The following PCDH9 variants were observed in gnomAD, a reference collection of about 807,000 sequenced individuals.
PCDH9 encodes the protein protocadherin-9.
Under a neutral mutation model 70.6 loss-of-function variants are expected in PCDH9, and 24 were observed. That is an observed-to-expected ratio of 0.34 (90% confidence interval 0.25 to 0.48). PCDH9 has a LOEUF of 0.48. PCDH9 is among the 20% of genes least tolerant of loss of function. PCDH9 has a pLI of 0.99. For synonymous variants in PCDH9, 562 were observed against 558.5 expected (o/e 1.01, Z -0.09); for missense variants, 1,281 against 1,503.6 (o/e 0.85, Z 2.45).
intron 2 of PCDH9, among the ~76,000 whole-genome samples, chr13:67,029,026 A>G (rs972892767): frequency 2.0e-5 from 3 of 152,172 alleles, no homozygotes; most frequent in African/African-American, 7.2e-5. Context: ...GTATTTCCCT[A>G]ACTTTATTTA....
chr13:66,537,981 C>G (rs1306213825), intron 4 of PCDH9, among the ~76,000 whole-genome samples: 1 of 151,994 alleles, frequency 6.6e-6, no homozygotes, highest in Non-Finnish European at 1.5e-5. Context: ...TTTAAGGCCA[C>G]TGAAAAATCA....
intron 2 of PCDH9, among the ~76,000 whole-genome samples, chr13:67,130,687 C>T: frequency 6.6e-6 from 1 of 152,044 alleles, no homozygotes; most frequent in South Asian, 2.1e-4. Context: ...ATCATAGGAA[C>T]ATCTTATCAA....
chr13:66,339,245 A>C (rs1956086998), intron 4 of PCDH9, among the ~76,000 whole-genome samples: 1 of 133,448 alleles, frequency 7.5e-6, no homozygotes, highest in South Asian at 2.3e-4. Flanking sequence ...CAACAAAAAA[A>C]CAGTATTACT....
intron 3 of PCDH9, among the ~76,000 whole-genome samples, chr13:66,659,845 G>A (rs1422746872): frequency 2.0e-5 from 3 of 151,992 alleles, no homozygotes; most frequent in African/African-American, 4.8e-5. Flanking sequence ...TAGGACTAGC[G>A]CATGTACAAG....
intron 2 of PCDH9, among the ~76,000 whole-genome samples, chr13:67,026,985 C>T (rs908706158): frequency 3.3e-5 from 5 of 152,156 alleles, no homozygotes; most frequent in Non-Finnish European, 7.3e-5. Flanking sequence ...AATGGCCATA[C>T]TGCCCAAGGT....
intron 3 of PCDH9, among the ~76,000 whole-genome samples, chr13:66,887,808 A>T (rs896459325): frequency 6.6e-6 from 1 of 152,182 alleles, no homozygotes; most frequent in Non-Finnish European, 1.5e-5. Flanking sequence ...AAAGCTACTT[A>T]AAAAAACCTG....
intron 4 of PCDH9, among the ~76,000 whole-genome samples, chr13:66,613,160 TC>T (rs1241002065): frequency 9.2e-5 from 14 of 151,876 alleles, no homozygotes; most frequent in Non-Finnish European, 2.1e-4. Flanking sequence ...CCACTTCCAC[TC>T]CCTGCCAGGC....
intron 3 of PCDH9, among the ~76,000 whole-genome samples, chr13:66,866,006 A>G (rs1471716153): frequency 6.6e-6 from 1 of 152,348 alleles, no homozygotes; most frequent in East Asian, 1.9e-4. Flanking sequence ...ATACAAGAAC[A>G]AATTGTGAAT....
At chr13:66,954,786 C>T (rs1005759261) in intron 2 of PCDH9, among the ~76,000 whole-genome samples, 5 of 152,138 alleles carry the variant, frequency 3.3e-5, no homozygotes, top group African/African-American at 1.2e-4. Context: ...TTTTTTGAGA[C>T]GGAGTCTCGC....
chr13:66,916,201 C>A (rs572378382), intron 2 of PCDH9, among the ~76,000 whole-genome samples: 1 of 151,612 alleles, frequency 6.6e-6, no homozygotes, highest in African/African-American at 2.4e-5. Flanking sequence ...TTCTCAATCC[C>A]GTATTTTAAA....
intron 3 of PCDH9, among the ~76,000 whole-genome samples, chr13:66,899,752 T>C (rs2139589798): frequency 6.6e-6 from 1 of 152,010 alleles, no homozygotes; most frequent in South Asian, 2.1e-4. Flanking sequence ...ATAAAAACAA[T>C]GTGCACTTTT....
At chr13:67,131,182 G>C (rs1374817654) in intron 2 of PCDH9, among the ~76,000 whole-genome samples, 2 of 152,074 alleles carry the variant, frequency 1.3e-5, no homozygotes, top group African/African-American at 4.8e-5. Context: ...TAAGTAAATA[G>C]AAAATTTAGA....
intron 2 of PCDH9, among the ~76,000 whole-genome samples, chr13:67,027,416 T>C (rs2084807316): frequency 6.6e-6 from 1 of 152,118 alleles, no homozygotes; most frequent in Middle Eastern, 3.2e-3. Context: ...CAAAAATTAA[T>C]TCAAGATGGA....
At position 66,925,360 on chromosome 13, in the gene PCDH9, T is replaced by C. The variant is rs576215413; in HGVS notation, c.3037-21755A>G. Among the ~76,000 whole-genome samples the C allele has an allele frequency of 2.0e-5, 3 of 152,058 alleles. No individual in the cohort carries two copies. The South Asian group carries it at 6.2e-4, about 31-fold the overall frequency. On this transcript the variant is annotated intron_variant, in intron 2 of 4. Transcript: ENST00000377865. ...CTTACCGTATCTATAATATACACCT[T>C]ATAAAATATTTTTTTCTCATATGAA...
At chr13:66,625,869 G>A (rs573819431) in intron 4 of PCDH9, among the ~76,000 whole-genome samples, 2 of 151,918 alleles carry the variant, frequency 1.3e-5, no homozygotes, top group Non-Finnish European at 2.9e-5. Flanking sequence ...TCACCGTGTT[G>A]GCCAGGCTGG....
At chr13:66,641,444 G>C (rs2077707481) in intron 3 of PCDH9, among the ~76,000 whole-genome samples, 1 of 152,200 alleles carries the variant, frequency 6.6e-6, no homozygotes, top group African/African-American at 2.4e-5. Context: ...CAAAATGTAG[G>C]TAAAGATCCT....
intron 3 of PCDH9, among the ~76,000 whole-genome samples, chr13:66,750,222 G>A (rs191434693): frequency 4.6e-5 from 7 of 152,132 alleles, no homozygotes; most frequent in Admixed American, 1.3e-4. Flanking sequence ...ACAAATATTC[G>A]CTAATAGAAG....
chr13:66,748,914 A>T (rs999659252), intron 3 of PCDH9, among the ~76,000 whole-genome samples: 1 of 152,126 alleles, frequency 6.6e-6, no homozygotes, highest in Non-Finnish European at 1.5e-5. Context: ...AGATAAGTGA[A>T]TCATGGGGGA....
At chr13:67,221,384 TG>T (rs2089721244) in intron 2 of PCDH9, 1 of 152,096 alleles carries the variant, frequency 6.6e-6, no homozygotes, top group African/African-American at 2.4e-5. Context: ...CTAAATGGTT[TG>T]GAATAGAAGA....
Sources: allele counts gnomAD v4.1 joint callset (sites outside exome capture counted in the v4.1 genomes callset), GRCh38; gene constraint gnomAD v4.1.1; transcripts MANE v1.5; gene names NCBI Gene and HGNC (gene_info 2026-07-23, HGNC 2026-07-21).